Variants in DNAH14 observed in about 807,000 individuals in gnomAD.
DNAH14 encodes the protein axonemal beta dynein heavy chain 14.
DNAH14 carries 478 observed loss-of-function variants against 520.9 expected under a neutral mutation model. That is an observed-to-expected ratio of 0.92 (90% confidence interval 0.85 to 0.99). The LOEUF is 0.99. Ranked by LOEUF, DNAH14 falls within the 50% of genes least tolerant of loss-of-function variation. The pLI, the probability that DNAH14 is intolerant of heterozygous loss-of-function variation, is 0.00. For missense variants in DNAH14, 4,831 were observed against 5,234.5 expected, an observed-to-expected ratio of 0.92 and a Z score of 2.38; for synonymous variants, 1,581 against 1,757.2, an observed-to-expected ratio of 0.90 and a Z score of 2.51.
intron 68 of DNAH14, among the ~76,000 whole-genome samples, chr1:225,339,986 G>C (rs2095144978): frequency 6.6e-6 from 1 of 152,082 alleles, no homozygotes; most frequent in Non-Finnish European, 1.5e-5. Flanking sequence ...CTCAGGTTAT[G>C]GGTGCACGGA....
chr1:225,043,522 G>A (rs1037279738), intron 13 of DNAH14, among the ~76,000 whole-genome samples: 3 of 152,112 alleles, frequency 2.0e-5, no homozygotes, highest in African/African-American at 7.2e-5. Context: ...AGAGCCGAGG[G>A]CCCCGTTCAT....
chr1:225,220,852 C>A (rs1016578343), intron 41 of DNAH14, among the ~76,000 whole-genome samples: 1 of 152,126 alleles, frequency 6.6e-6, no homozygotes, highest in Non-Finnish European at 1.5e-5. Context: ...CCAAGAGAGT[C>A]CTAAGCAAAA....
At chr1:225,185,457 ATTTG>A in intron 37 of DNAH14, 32 bp downstream of exon 37, 1 of 1,493,876 alleles carries the variant, frequency 6.7e-7, no homozygotes, top group Non-Finnish European at 8.9e-7. Flanking sequence ...ATGTTTCTCT[ATTTG>A]TTCATATCTT....
intron 27 of DNAH14, among the ~76,000 whole-genome samples, chr1:225,134,795 A>C (rs993428127): frequency 6.6e-6 from 1 of 152,164 alleles, no homozygotes; most frequent in South Asian, 2.1e-4. Context: ...TTCAGTAGAA[A>C]TAGTACCAGC....
chr1:225,290,467 A>G (rs1241034530), intron 55 of DNAH14, among the ~76,000 whole-genome samples: 3 of 151,520 alleles, frequency 2.0e-5, no homozygotes, highest in East Asian at 3.9e-4. Flanking sequence ...ATCTACAGTT[A>G]GATATGTAAT....
intron 10 of DNAH14, among the ~76,000 whole-genome samples, chr1:225,013,441 G>A (rs2064966079): frequency 6.6e-6 from 1 of 152,158 alleles, no homozygotes; most frequent in South Asian, 2.1e-4. Context: ...GAGGCACGGG[G>A]GTCAGGGACC....
At chr1:225,147,442 A>G (rs1387905244) in intron 31 of DNAH14, among the ~76,000 whole-genome samples, 193 bp downstream of exon 31, 1 of 152,172 alleles carries the variant, frequency 6.6e-6, no homozygotes, top group Non-Finnish European at 1.5e-5. Context: ...GAATATATTT[A>G]TAACTCTAAC....
intron 44 of DNAH14, among the ~76,000 whole-genome samples, chr1:225,255,996 T>C (rs1477852704): frequency 6.6e-6 from 1 of 152,178 alleles, no homozygotes; most frequent in African/African-American, 2.4e-5. Context: ...ACCATTAAAA[T>C]CCAATTTTTA....
intron 38 of DNAH14, 37 bp from the exon 39 acceptor site, chr1:225,204,146 A>G: frequency 1.8e-6 from 2 of 1,111,410 alleles, no homozygotes; most frequent in East Asian, 5.9e-5. Flanking sequence ...AAGTGTTATT[A>G]AATAAAAATT....
intron 41 of DNAH14, among the ~76,000 whole-genome samples, chr1:225,228,276 A>G (rs2090748183): frequency 6.6e-6 from 1 of 152,212 alleles, no homozygotes; most frequent in African/African-American, 2.4e-5. Flanking sequence ...ACAGCAGGGT[A>G]TAGATCAAAA....
chr1:225,194,623 A>G (rs78927803), intron 38 of DNAH14, among the ~76,000 whole-genome samples: 3 of 152,176 alleles, frequency 2.0e-5, no homozygotes, highest in African/African-American at 7.2e-5. Flanking sequence ...CAAAGATTTC[A>G]TGATGAAGAC....
In DNAH14 at chr1:225,289,958, G is replaced by T. The variant is rs755214363; in HGVS notation, c.8345G>T (p.Arg2782Leu). The change falls in exon 55 of 86, where the codon CGA becomes CTA. Residue 2782 changes from arginine (R) to leucine (L), a missense_variant. Transcript: ENST00000682510. ...TATTTGACAGATAATAAACTATACC[G>T]AGTGCCTATATCTCACAAATGTGCC... is the stretch of plus-strand genomic sequence containing the variant. ...ACYLTDNKLY[R>L]VPISHKCAYI... is the part of the protein sequence containing the mutation. 47 of 1,538,366 alleles carry T rather than the reference G, an allele frequency of 3.1e-5. No homozygotes were observed. Among genetic ancestry groups the T allele is most frequent in the Non-Finnish European group, 3.9e-5 (44 of 1,140,226 alleles).
At chr1:225,065,791 A>G (rs1263898935) in intron 17 of DNAH14, among the ~76,000 whole-genome samples, 1 of 152,060 alleles carries the variant, frequency 6.6e-6, no homozygotes, top group African/African-American at 2.4e-5. Flanking sequence ...TAGTGTCCAC[A>G]ATTGTCCATA....
At chr1:225,087,164 G>A (rs2073913593) in intron 21 of DNAH14, among the ~76,000 whole-genome samples, 1 of 152,178 alleles carries the variant, frequency 6.6e-6, no homozygotes, top group Admixed American at 6.5e-5. Context: ...TTTGGCTTAT[G>A]GTTCTGGAGG....
At chr1:225,278,492 C>T (rs2093547690) in intron 54 of DNAH14, among the ~76,000 whole-genome samples, 1 of 152,152 alleles carries the variant, frequency 6.6e-6, no homozygotes, top group African/African-American at 2.4e-5. Flanking sequence ...CCTAACGCAC[C>T]TCTTTTCTTC....
intron 17 of DNAH14, among the ~76,000 whole-genome samples, chr1:225,068,773 C>A (rs1447010609): frequency 6.6e-6 from 1 of 152,124 alleles, no homozygotes; most frequent in Non-Finnish European, 1.5e-5. Context: ...TATAGGAATG[C>A]TAGTTATTTT....
At chr1:225,278,034 G>A (rs1348059327) in intron 54 of DNAH14, among the ~76,000 whole-genome samples, 2 of 150,064 alleles carry the variant, frequency 1.3e-5, no homozygotes, top group Non-Finnish European at 2.9e-5. Flanking sequence ...ATAACTGTTT[G>A]GTTAATTTGT....
At chr1:225,008,221 A>G (rs1020604720) in intron 10 of DNAH14, among the ~76,000 whole-genome samples, 2 of 152,100 alleles carry the variant, frequency 1.3e-5, no homozygotes, top group Non-Finnish European at 2.9e-5. Flanking sequence ...GATGGTTTCC[A>G]GCTTCATCGG....
In DNAH14 at chr1:225,140,190, T is replaced by G. The variant is rs562929889; in HGVS notation, c.4255-578T>G. Among the ~76,000 whole-genome samples the G allele has an allele frequency of 2.4e-4, 36 of 152,320 alleles. No individual in the cohort carries two copies. The South Asian group carries it at 6.2e-3, about 26-fold the overall frequency. On this transcript the variant is annotated intron_variant, in intron 27 of 85. Transcript: ENST00000682510. ...GCTTTTCCTGCAATAGGTACTATCT[T>G]AGTGAGTTACTGGAATCACAATTTA...
Sources: gnomAD v4.1 joint callset for allele counts (sites outside exome capture counted in the v4.1 genomes callset) on GRCh38, gnomAD v4.1.1 for gene constraint, MANE v1.5 for transcripts, NCBI Gene and HGNC (gene_info 2026-07-23, HGNC 2026-07-21) for gene names.